Variants in PHLPP1 observed in about 807,000 individuals in gnomAD.
PHLPP1 encodes the protein PH domain leucine-rich repeat-containing protein phosphatase 1.
PHLPP1 carries 42 observed loss-of-function variants against 117.2 expected under a neutral mutation model. The ratio of observed to expected loss-of-function variants is 0.36; its 90% CI spans 0.28 to 0.46. The LOEUF is 0.46. Ranked by LOEUF, PHLPP1 falls within the 20% of genes least tolerant of loss-of-function variation. PHLPP1 has a pLI of 1.00. For synonymous variants in PHLPP1, 1,042 were observed against 970.7 expected (o/e 1.07, Z -1.37); for missense variants, 2,084 against 2,241.9 (o/e 0.93, Z 1.42).
At chr18:62,742,352 A>G (rs936275428) in intron 1 of PHLPP1, among the ~76,000 whole-genome samples, 5 of 152,030 alleles carry the variant, frequency 3.3e-5, no homozygotes, top group African/African-American at 9.7e-5. Flanking sequence ...GATTGACTCT[A>G]TGTTATCTGA....
intron 2 of PHLPP1, chr18:62,838,543 A>G (rs1195791148): frequency 2.5e-6 from 1 of 392,820 alleles, no homozygotes; most frequent in Non-Finnish European, 4.6e-6. Flanking sequence ...AATTTTAAAC[A>G]GAAAGAGGAG....
At chr18:62,892,170 C>T (rs192045989) in intron 4 of PHLPP1, among the ~76,000 whole-genome samples, 1 of 147,388 alleles carries the variant, frequency 6.8e-6, no homozygotes, top group African/African-American at 2.5e-5. Context: ...CTCACTGTGA[C>T]CTCCGCCTCC....
chr18:62,958,508 T>G (rs1343890591), intron 12 of PHLPP1, 121 bp from the exon 13 acceptor site: 3 of 845,694 alleles, frequency 3.5e-6, no homozygotes, highest in East Asian at 2.6e-5. Flanking sequence ...CTTTTCCACA[T>G]TTGTCTAGTG....
intron 4 of PHLPP1, among the ~76,000 whole-genome samples, chr18:62,874,133 G>A (rs1050639436): frequency 2.7e-5 from 4 of 149,736 alleles, no homozygotes; most frequent in Admixed American, 6.7e-5. Context: ...GTGGTGAGCC[G>A]AGATCACGCC....
At chr18:62,823,339 G>A (rs796893080) in intron 1 of PHLPP1, among the ~76,000 whole-genome samples, 4 of 152,182 alleles carry the variant, frequency 2.6e-5, no homozygotes, top group African/African-American at 9.6e-5. Context: ...CGAGGTGGAA[G>A]CATTGTTTGA....
At chr18:62,929,659 G>A (rs533829298) in intron 10 of PHLPP1, among the ~76,000 whole-genome samples, 2 of 152,298 alleles carry the variant, frequency 1.3e-5, no homozygotes, top group South Asian at 4.1e-4. Context: ...TGTTAGTAAC[G>A]CAGCTTGACT....
At chr18:62,934,995 C>T (rs1283970832) in intron 10 of PHLPP1, among the ~76,000 whole-genome samples, 1 of 152,146 alleles carries the variant, frequency 6.6e-6, no homozygotes, top group Non-Finnish European at 1.5e-5. Context: ...CCGTTATTTT[C>T]ACTCTTATTC....
intron 6 of PHLPP1, among the ~76,000 whole-genome samples, chr18:62,900,930 C>A (rs1484350721): frequency 6.6e-6 from 1 of 152,152 alleles, no homozygotes; most frequent in African/African-American, 2.4e-5. Flanking sequence ...ACAGTTTTAT[C>A]TGTCAATTAA....
Position 62,977,511 on chromosome 18 carries a change from G to A in PHLPP1, c.3985-751G>A, listed in dbSNP as rs1255204277. Reference sequence around the variant, plus strand: ...CTTTGGTAATTGATTTAAATAGCATGCACACAGCTGAACTAAAGCCAGCAG... The same window carrying A: ...CTTTGGTAATTGATTTAAATAGCATACACACAGCTGAACTAAAGCCAGCAG... On this transcript the variant is annotated intron_variant, in intron 16 of 16. Coordinates refer to ENST00000262719, the MANE Select transcript of PHLPP1 (RefSeq NM_194449.4). Among the ~76,000 whole-genome samples the A allele has an allele frequency of 3.3e-5, 5 of 150,244 alleles. No homozygotes were observed. In the East Asian group the frequency reaches 9.8e-4, roughly 29 times the overall value.
intron 5 of PHLPP1, 87 bp from the exon 6 acceptor site, chr18:62,895,694 C>CGGTCTA: frequency 2.4e-6 from 2 of 842,976 alleles, no homozygotes; most frequent in Non-Finnish European, 3.9e-6. Flanking sequence ...TCTGGTAATA[C>CGGTCTA]GGTCTACACT....
chr18:62,945,359 T>G, intron 12 of PHLPP1, 88 bp downstream of exon 12: 1 of 1,118,238 alleles, frequency 8.9e-7, no homozygotes, highest in Non-Finnish European at 1.2e-6. Context: ...GTTTGCATCT[T>G]TGTTGGATTT....
At chr18:62,778,342 T>G (rs1291665690) in intron 1 of PHLPP1, among the ~76,000 whole-genome samples, 1 of 152,202 alleles carries the variant, frequency 6.6e-6, no homozygotes, top group Non-Finnish European at 1.5e-5. Flanking sequence ...TGCTATGTTG[T>G]TTTTAAAAAT....
At chr18:62,764,214 A>G (rs895852649) in intron 1 of PHLPP1, among the ~76,000 whole-genome samples, 1 of 151,692 alleles carries the variant, frequency 6.6e-6, no homozygotes, top group East Asian at 1.9e-4. Context: ...CAAAACAAAC[A>G]AACAAACAAA....
At chr18:62,962,093 A>G (rs904098664) in intron 13 of PHLPP1, among the ~76,000 whole-genome samples, 2 of 152,186 alleles carry the variant, frequency 1.3e-5, no homozygotes, top group Admixed American at 6.5e-5. Flanking sequence ...AGCAGATAAT[A>G]CATATACTTT....
chr18:62,764,951 C>T (rs1053490783), intron 1 of PHLPP1, among the ~76,000 whole-genome samples: 1 of 152,218 alleles, frequency 6.6e-6, no homozygotes, highest in Non-Finnish European at 1.5e-5. Flanking sequence ...TTTCCAGTGT[C>T]ATTGGCCATT....
At chr18:62,792,523 A>G (rs1447067436) in intron 1 of PHLPP1, among the ~76,000 whole-genome samples, 1 of 152,074 alleles carries the variant, frequency 6.6e-6, no homozygotes, top group East Asian at 1.9e-4. Flanking sequence ...GTGTATTCTG[A>G]TGACTTCTTT....
chr18:62,733,931 A>C (rs1911296107), intron 1 of PHLPP1, among the ~76,000 whole-genome samples: 1 of 152,208 alleles, frequency 6.6e-6, no homozygotes, highest in Admixed American at 6.5e-5. Flanking sequence ...ACTTCCAGGC[A>C]TCTGGGCCTT....
intron 1 of PHLPP1, among the ~76,000 whole-genome samples, chr18:62,804,735 G>A (rs185881127): frequency 1.1e-4 from 16 of 142,920 alleles, no homozygotes; most frequent in Admixed American, 6.5e-4. Flanking sequence ...ACACGGTCTC[G>A]CTCTGTGGCC....
chr18:62,944,825 A>G (rs1490152826), intron 11 of PHLPP1, among the ~76,000 whole-genome samples: 1 of 152,214 alleles, frequency 6.6e-6, no homozygotes, highest in African/African-American at 2.4e-5. Context: ...ATACAGTAAC[A>G]TGATTATTGC....
Sources: gnomAD v4.1 joint callset for allele counts (sites outside exome capture counted in the v4.1 genomes callset) on GRCh38, gnomAD v4.1.1 for gene constraint, MANE v1.5 for transcripts, NCBI Gene and HGNC (gene_info 2026-07-23, HGNC 2026-07-21) for gene names.